The following PCDH7 variants were observed in gnomAD, a reference collection of about 807,000 sequenced individuals.
The protein encoded by PCDH7 is protocadherin-7.
Under a neutral mutation model 58.9 loss-of-function variants are expected in PCDH7, and 17 were observed. The ratio of observed to expected loss-of-function variants is 0.29; its 90% confidence interval spans 0.20 to 0.43. The LOEUF (loss-of-function observed/expected upper bound fraction) is 0.43, where lower values mean the gene tolerates loss of function less well. Ranked by LOEUF, PCDH7 falls within the 20% of genes least tolerant of loss-of-function variation. The pLI is 1.00. For synonymous variants in PCDH7, 664 were observed against 616.4 expected, an observed-to-expected ratio of 1.08 and a Z score of -1.14; for missense variants, 1,274 against 1,441.0, an observed-to-expected ratio of 0.88 and a Z score of 1.88.
intron 3 of PCDH7, among the ~76,000 whole-genome samples, chr4:31,119,882 G>A (rs562342024): frequency 3.5e-4 from 53 of 151,834 alleles, no homozygotes; most frequent in African/African-American, 1.2e-3. Context: ...CTCTTAGTGC[G>A]TGTGTGTGGG....
chr4:30,871,533 G>C (rs988026061), intron 1 of PCDH7, among the ~76,000 whole-genome samples: 20 of 152,066 alleles, frequency 1.3e-4, no homozygotes, highest in African/African-American at 4.8e-4. Flanking sequence ...TGACAGGGCA[G>C]CCACTTCCCG....
chr4:30,926,578 A>G (rs1312692159), intron 2 of PCDH7, among the ~76,000 whole-genome samples: 1 of 152,232 alleles, frequency 6.6e-6, no homozygotes, highest in East Asian at 1.9e-4. Context: ...AATTACCAGT[A>G]TAAATTATAT....
At chr4:30,892,015 C>A (rs552399501) in intron 1 of PCDH7, among the ~76,000 whole-genome samples, 1 of 151,716 alleles carries the variant, frequency 6.6e-6, no homozygotes, top group Non-Finnish European at 1.5e-5. Context: ...ATATGTTAAT[C>A]GCCTTGTATA....
At chr4:31,050,633 A>G (rs768149501) in intron 3 of PCDH7, among the ~76,000 whole-genome samples, 20 of 152,256 alleles carry the variant, frequency 1.3e-4, no homozygotes, top group East Asian at 7.7e-4. Flanking sequence ...TAAGCATCTC[A>G]TAATTTACTG....
At chr4:30,833,107 G>A (rs770957301) in intron 1 of PCDH7, among the ~76,000 whole-genome samples, 12 of 152,086 alleles carry the variant, frequency 7.9e-5, no homozygotes, top group Admixed American at 2.6e-4. Flanking sequence ...TTTGGAATGT[G>A]TTTTTGTGTG....
At chr4:30,860,304 G>A (rs1483304824) in intron 1 of PCDH7, among the ~76,000 whole-genome samples, 1 of 152,154 alleles carries the variant, frequency 6.6e-6, no homozygotes, top group Non-Finnish European at 1.5e-5. Flanking sequence ...AAAGAATTCA[G>A]TGAACTCTCT....
chr4:30,858,567 G>T (rs1022406841), intron 1 of PCDH7, among the ~76,000 whole-genome samples: 2 of 152,084 alleles, frequency 1.3e-5, no homozygotes, highest in Non-Finnish European at 2.9e-5. Context: ...CTATAGCTAG[G>T]CACATTAATA....
exon 4 of PCDH7, chr4:31,142,476 C>G (rs748701005): frequency 7.3e-7 from 1 of 1,365,974 alleles, no homozygotes; most frequent in Non-Finnish European, 9.8e-7. Flanking sequence ...ATTTCAGATT[C>G]AAGGCCTCTT....
intron 1 of PCDH7, among the ~76,000 whole-genome samples, chr4:30,798,099 G>A (rs1313082415): frequency 6.6e-6 from 1 of 152,174 alleles, no homozygotes; most frequent in Non-Finnish European, 1.5e-5. Context: ...GGCTCTAGTG[G>A]AGGACAAGTT....
intron 3 of PCDH7, among the ~76,000 whole-genome samples, chr4:30,961,055 A>T (rs2109459654): frequency 6.6e-6 from 1 of 152,318 alleles, no homozygotes; most frequent in Non-Finnish European, 1.5e-5. Context: ...ATGTGGATTT[A>T]TAGATCTTTA....
chr4:30,999,596 G>C (rs1481310243), intron 3 of PCDH7, among the ~76,000 whole-genome samples: 1 of 152,094 alleles, frequency 6.6e-6, no homozygotes, highest in African/African-American at 2.4e-5. Flanking sequence ...TACTAAGGGA[G>C]TGCAGAAAAA....
At chr4:30,770,033 A>G (rs1195149820) in intron 1 of PCDH7, among the ~76,000 whole-genome samples, 2 of 152,158 alleles carry the variant, frequency 1.3e-5, no homozygotes, top group South Asian at 2.1e-4. Context: ...TACTTGAAAA[A>G]CACCCATTGA....
intron 3 of PCDH7, among the ~76,000 whole-genome samples, chr4:31,134,238 G>C (rs1367196922): frequency 1.3e-5 from 2 of 152,178 alleles, no homozygotes; most frequent in East Asian, 3.9e-4. Flanking sequence ...GAGGTTGGGG[G>C]ATCATGAGGT....
At chr4:30,819,530 T>G (rs772657054) in intron 1 of PCDH7, among the ~76,000 whole-genome samples, 17 of 152,258 alleles carry the variant, frequency 1.1e-4, no homozygotes, top group Non-Finnish European at 1.8e-4. Context: ...AAAGTAAAAA[T>G]AGACTTCGTT....
In PCDH7 at chr4:30,722,829, G is replaced by T. The variant is rs1713906357; in HGVS notation, c.1407G>T (p.Gln469His). 3 of 1,613,426 alleles carry T rather than the reference G, an allele frequency of 1.9e-6. No homozygotes were observed. The highest frequency in any genetic ancestry group is 2.5e-6 in the Non-Finnish European group (3 of 1,179,992). ...CCGTGGTGGGCGACGTGCCCTTCCA[G>T]CTCAAGCCAGCCAGCGACACCGAGG... Residue 469 changes from glutamine to histidine, a missense_variant, in exon 1 of 2, where the codon CAG becomes CAT. By Grantham distance (24) the Gln-to-His change is conservative. Coordinates refer to ENST00000361762, the Ensembl canonical transcript of PCDH7. This position sits in a 1 kb window ranked among gnomAD's most constrained non-coding sequence, Gnocchi z 7.6.
At chr4:30,835,337 C>T (rs891654814) in intron 1 of PCDH7, among the ~76,000 whole-genome samples, 2 of 152,090 alleles carry the variant, frequency 1.3e-5, no homozygotes, top group South Asian at 2.1e-4. Flanking sequence ...GCCAGACGAG[C>T]GGTGGCATTA....
intron 1 of PCDH7, among the ~76,000 whole-genome samples, chr4:30,851,703 A>G (rs1316378918): frequency 6.6e-6 from 1 of 152,060 alleles, no homozygotes; most frequent in Non-Finnish European, 1.5e-5. Context: ...TAAGAAACTG[A>G]GTGTAGTAAC....
At chr4:31,001,196 A>G (rs1752336583) in intron 3 of PCDH7, among the ~76,000 whole-genome samples, 1 of 152,052 alleles carries the variant, frequency 6.6e-6, no homozygotes, top group Non-Finnish European at 1.5e-5. Flanking sequence ...TGACTCATGT[A>G]CCCTAATTAA....
At chr4:31,100,266 G>A (rs938555425) in intron 3 of PCDH7, among the ~76,000 whole-genome samples, 3 of 152,118 alleles carry the variant, frequency 2.0e-5, no homozygotes, top group Admixed American at 1.3e-4. Context: ...GATATCGGGG[G>A]GATCAGCATG....
Sources: gnomAD v4.1 joint callset for allele counts (sites outside exome capture counted in the v4.1 genomes callset) on GRCh38, gnomAD v4.1.1 for gene constraint, Gnocchi (gnomAD v3.1) non-coding constraint, MANE v1.5 for transcripts, NCBI Gene and HGNC (gene_info 2026-07-23, HGNC 2026-07-21) for gene names.